WNT9B: variants seen among roughly 807,000 people sequenced by gnomAD.
WNT9B encodes the protein protein Wnt-9b.
WNT9B carries 12 observed loss-of-function variants against 30.2 expected under a neutral mutation model. The observed-to-expected ratio is 0.40, with a 90% CI of 0.26 to 0.64. WNT9B has a LOEUF of 0.64. Among genes scored for constraint, WNT9B ranks in the 30% least tolerant of loss-of-function variants. The pLI is 0.42. For missense variants in WNT9B, 442 were observed against 485.2 expected, an observed-to-expected ratio of 0.91 and a Z score of 0.84; for synonymous variants, 218 against 216.9, an observed-to-expected ratio of 1.01 and a Z score of -0.05.
intron 1 of WNT9B, among the ~76,000 whole-genome samples, chr17:46,833,739 A>AACAGG (rs1446400970): frequency 1.3e-5 from 2 of 152,164 alleles, no homozygotes; most frequent in African/African-American, 4.8e-5. Flanking sequence ...CGTCCTGGAA[A>AACAGG]ACAGGCCTGC....
intron 1 of WNT9B, among the ~76,000 whole-genome samples, chr17:46,865,212 CT>C (rs2085111690): frequency 1.3e-5 from 2 of 152,198 alleles, no homozygotes; most frequent in African/African-American, 4.8e-5. Flanking sequence ...ACTAGCCACA[CT>C]CTAAATGCCG....
At chr17:46,865,420 G>T (rs1384666336) in intron 1 of WNT9B, among the ~76,000 whole-genome samples, 1 of 152,130 alleles carries the variant, frequency 6.6e-6, no homozygotes, top group Non-Finnish European at 1.5e-5. Flanking sequence ...GATGGGTGGG[G>T]GACGAGGCTG....
chr17:46,837,945 A>C (rs1391169362), intron 1 of WNT9B, among the ~76,000 whole-genome samples: 2 of 152,136 alleles, frequency 1.3e-5, no homozygotes, highest in Non-Finnish European at 2.9e-5. Context: ...AATCACTCAG[A>C]GGGGCTTCAT....
intron 1 of WNT9B, among the ~76,000 whole-genome samples, chr17:46,854,627 T>TA (rs79563153): frequency 2.0e-4 from 31 of 151,552 alleles, no homozygotes; most frequent in East Asian, 5.8e-4. Context: ...TTAATGGTGA[T>TA]AAAAAAAAAC....
intron 2 of WNT9B, 115 bp downstream of exon 2, chr17:46,872,888 C>G: frequency 8.1e-7 from 1 of 1,231,120 alleles, no homozygotes; most frequent in Non-Finnish European, 1.1e-6. Flanking sequence ...GGCCACACTG[C>G]CCTTCCTGCC....
chr17:46,838,246 T>G (rs1222578637), intron 1 of WNT9B, among the ~76,000 whole-genome samples: 2 of 143,596 alleles, frequency 1.4e-5, no homozygotes, highest in African/African-American at 2.6e-5. Flanking sequence ...GGTGGTAAGG[T>G]GGGGAGGGAA....
At chr17:46,868,587 C>A (rs923134485) in intron 1 of WNT9B, among the ~76,000 whole-genome samples, 8 of 151,086 alleles carry the variant, frequency 5.3e-5, no homozygotes, top group African/African-American at 2.0e-4. Flanking sequence ...TGGAGTGAGA[C>A]TCGATTAAAA....
chr17:46,862,173 A>G (rs934070884), intron 1 of WNT9B, among the ~76,000 whole-genome samples: 17 of 151,962 alleles, frequency 1.1e-4, no homozygotes, highest in Non-Finnish European at 2.2e-4. Flanking sequence ...CAAAAAAAAA[A>G]AAAAAAGAAA....
chr17:46,835,485 A>G (rs1372913462), intron 1 of WNT9B, among the ~76,000 whole-genome samples: 1 of 152,200 alleles, frequency 6.6e-6, no homozygotes, highest in Admixed American at 6.5e-5. Flanking sequence ...TGCTGGGATT[A>G]CAGGCATGAG....
At chr17:46,839,851 T>G (rs1048153667) in intron 1 of WNT9B, among the ~76,000 whole-genome samples, 1 of 152,224 alleles carries the variant, frequency 6.6e-6, no homozygotes, top group Non-Finnish European at 1.5e-5. Context: ...GCAAAGGACA[T>G]GAACTCATCC....
rs184270868 is a variant in WNT9B, at chr17:46,874,955, C to T, written c.335-146C>T. ...CAGGGAGACCCACCCGGAGCTGTGT[C>T]CTCAAGCCACATTCTCTTGTCCTGC... On this transcript the variant is annotated intron_variant, in intron 2 of 3. Coordinates refer to ENST00000290015, the MANE Select transcript of WNT9B (RefSeq NM_003396.3). The T allele has an allele frequency of 5.1e-3, 6,535 of 1,293,994 alleles. 25 individuals are homozygous for T. The highest frequency in any genetic ancestry group is 7.7e-3 in the Admixed American group (457 of 59,390). 80.2% of individuals were successfully genotyped at this position (1,293,994 alleles called of 1,614,324 possible).
In WNT9B at chr17:46,875,164, G is replaced by A. The variant is rs554846731; in HGVS notation, c.398G>A (p.Arg133Gln). 119 of 1,613,884 alleles carry A rather than the reference G, an allele frequency of 7.4e-5. No individual in the cohort carries two copies. The highest frequency in any genetic ancestry group is 9.1e-5 in the Non-Finnish European group (107 of 1,180,044). The change falls in exon 3 of 4, where the codon CGG becomes CAG. Residue 133 changes from arginine (R) to glutamine (Q), a missense_variant. Arg to Gln is a conservative substitution (Grantham distance 43). Coordinates refer to ENST00000290015, the MANE Select transcript of WNT9B (RefSeq NM_003396.3). ...SSAALTHTLA[R>Q]ACSAGRMERC... ...GCCGCCCTCACCCACACCCTGGCCCGGGCCTGCAGCGCTGGGCGCATGGAG... is the reference window on the plus strand; with the variant it reads ...GCCGCCCTCACCCACACCCTGGCCCAGGCCTGCAGCGCTGGGCGCATGGAG...
Position 46,877,956 on chromosome 17 carries a change from C to G in WNT9B, c.*1238C>G, listed in dbSNP as rs2085371142. Among the ~76,000 whole-genome samples the G allele has an allele frequency of 6.6e-6, 1 of 152,174 alleles. No individual in the cohort carries two copies. The highest frequency in any genetic ancestry group is 2.1e-4 in the South Asian group (1 of 4,822). ...GAGGAGACGTGACTTTGATAATTTC[C>G]TCAGATCCTGTGGACATTTTCAGCA... On this transcript the variant is annotated 3_prime_UTR_variant, in exon 4 of 4. Coordinates refer to ENST00000290015, the MANE Select transcript of WNT9B (RefSeq NM_003396.3).
In WNT9B at chr17:46,875,331, C is replaced by T. The variant is rs147677642; in HGVS notation, c.565C>T (p.Arg189Trp). 5.9e-5 allele frequency: 95 copies of T among 1,611,870 alleles called. No individual in the cohort carries two copies. The African/African-American group carries it at 6.4e-4, about 11-fold the overall frequency. The part of the protein sequence containing the change: ...SKRGNKDLRA[R>W]ADAHNTHVGI... ...GAGAGGAAACAAGGACCTGCGGGCA[C>T]GGGCAGACGCCCACAATACCCACGT... Residue 189 changes from arginine to tryptophan, a missense_variant, in exon 3 of 4, where the codon CGG (arginine) becomes TGG (tryptophan). Transcript: ENST00000290015.
intron 1 of WNT9B, among the ~76,000 whole-genome samples, chr17:46,863,043 G>A (rs766148821): frequency 4.6e-5 from 7 of 152,200 alleles, no homozygotes; most frequent in Middle Eastern, 3.4e-3. Context: ...CAGGGGCTGA[G>A]GACCATGGCG....
chr17:46,876,636 G>A lies in WNT9B; in HGVS notation c.992G>A (p.Cys331Tyr). ...CAGAGCCGCCTGGTGGCCTTCTCCT[G>A]CCACTGCCAGGTGCAGTGGTGCTGC... ...DTQSRLVAFS[C>Y]HCQVQWCCYV... The change falls in exon 4 of 4, where the codon TGC becomes TAC. Residue 331 changes from cysteine to tyrosine, a missense_variant. Cys to Tyr is a radical substitution (Grantham distance 194, BLOSUM62 -2). Transcript: ENST00000290015. 1 of 1,610,198 alleles carries A rather than the reference G, an allele frequency of 6.2e-7. No homozygotes were observed.
In WNT9B at chr17:46,877,827, C is replaced by T. The variant is rs2085369495; in HGVS notation, c.*1109C>T. Among the ~76,000 whole-genome samples, 1 of 152,216 alleles carries T rather than the reference C, an allele frequency of 6.6e-6. No homozygotes were observed. Among genetic ancestry groups the T allele is most frequent in the Admixed American group, 6.5e-5 (1 of 15,280 alleles). On this transcript the variant is annotated 3_prime_UTR_variant, in exon 4 of 4. Coordinates refer to ENST00000290015, the MANE Select transcript of WNT9B (RefSeq NM_003396.3). ...CATCTAGTTAAGGCTTTTGCCCTGG[C>T]TGGGGTTATAGGTGCTTGAGTCCTT...
Position 46,876,394 on chromosome 17 carries a change from T to C in WNT9B, c.750T>C (p.Ser250=). ...LRYDSAVKVS[S]ATNEALGRLE... ...ATGACTCGGCTGTCAAGGTGTCCAG[T>C]GCCACCAATGAGGCCTTGGGCCGCC... The change falls in exon 4 of 4, where the codon AGT becomes AGC. Residue 250 remains serine, a synonymous_variant. Coordinates refer to ENST00000290015, the MANE Select transcript of WNT9B (RefSeq NM_003396.3). 6.2e-7 allele frequency: 1 copy of C among 1,613,912 alleles called. No homozygotes were observed. Among genetic ancestry groups the C allele is most frequent in the Non-Finnish European group, 8.5e-7 (1 of 1,180,040 alleles).
intron 1 of WNT9B, among the ~76,000 whole-genome samples, chr17:46,858,356 A>G (rs1021174558): frequency 2.0e-5 from 3 of 152,170 alleles, no homozygotes; most frequent in African/African-American, 4.8e-5. Context: ...AATTTTGATG[A>G]AGTCCAGTGT....
Sources: gnomAD v4.1 joint callset for allele counts (sites outside exome capture counted in the v4.1 genomes callset) on GRCh38, gnomAD v4.1.1 for gene constraint, MANE v1.5 for transcripts, NCBI Gene and HGNC (gene_info 2026-07-23, HGNC 2026-07-21) for gene names.